CDHR1: variants seen among roughly 807,000 people sequenced by gnomAD.
CDHR1 encodes cadherin-related family member 1.
A neutral mutation model predicts 72.1 loss-of-function variants in CDHR1; 61 were observed. The observed-to-expected ratio is 0.85, with a 90% CI of 0.69 to 1.05. CDHR1 has a LOEUF of 1.05. Ranked by LOEUF, CDHR1 falls within the 50% of genes least tolerant of loss-of-function variation. The pLI, the probability that CDHR1 is intolerant of heterozygous loss-of-function variation, is 0.00. For missense variants in CDHR1, 1,186 were observed against 1,115.7 expected, an observed-to-expected ratio of 1.06 and a Z score of -0.90; for synonymous variants, 470 against 448.1, an observed-to-expected ratio of 1.05 and a Z score of -0.62.
chr10:84,212,387 G>C lies in CDHR1; in HGVS notation c.1762G>C (p.Gly588Arg), dbSNP rs779371901. The change falls in exon 15 of 17, where the codon GGG (glycine) becomes CGG (arginine). Residue 588 changes from glycine (G) to arginine (R), a missense_variant. Coordinates refer to ENST00000623527, the MANE Select transcript of CDHR1 (RefSeq NM_033100.4). ...KSVQKKTMVL[G>R]TPVKIEAIDE... ...CGTTCAGAAGAAGACGATGGTGCTA[G>C]GGACCCCAGTGAAAATTGAGGTAAG... 1 of 1,614,212 alleles carries C rather than the reference G, an allele frequency of 6.2e-7. No homozygotes were observed. The highest frequency in any genetic ancestry group is 1.1e-5 in the South Asian group (1 of 91,088).
intron 14 of CDHR1, 113 bp downstream of exon 14, chr10:84,211,828 T>C (rs1842337832): frequency 3.2e-6 from 3 of 930,472 alleles, no homozygotes; most frequent in African/African-American, 1.6e-5. Context: ...GGAGCCTGGG[T>C]GAAGAGAAGT....
intron 5 of CDHR1, among the ~76,000 whole-genome samples, chr10:84,200,192 G>T (rs918208397): frequency 6.6e-6 from 1 of 151,200 alleles, no homozygotes; most frequent in Non-Finnish European, 1.5e-5. Flanking sequence ...AAAAAAGTTT[G>T]CTAAGTCACT....
downstream of CDHR1, chr10:84,219,569 C>T (rs1842477798): frequency 9.7e-6 from 3 of 310,746 alleles, no homozygotes; most frequent in Non-Finnish European, 1.8e-5. Context: ...TGTATTAGTT[C>T]GTTCTCATGC....
At chr10:84,210,967 A>G in intron 12 of CDHR1, 34 bp from the exon 13 acceptor site, 1 of 1,612,584 alleles carries the variant, frequency 6.2e-7, no homozygotes, top group South Asian at 1.1e-5. Flanking sequence ...ATGAGTGCCT[A>G]CCCAGACAAG....
In CDHR1 at chr10:84,217,527, C is replaced by T. The variant is rs1564668223; in HGVS notation, c.*2906C>T. ...TCAAGTCTCTCTGGGCCTCACTTTC[C>T]TCATTAACACAGGGTGCAAAGTATG... On this transcript the variant is annotated 3_prime_UTR_variant, in exon 17 of 17. Coordinates refer to ENST00000623527, the MANE Select transcript of CDHR1 (RefSeq NM_033100.4). 1.0e-6 allele frequency: 1 copy of T among 978,816 alleles called. No homozygotes were observed. Among genetic ancestry groups the T allele is most frequent in the Non-Finnish European group, 1.2e-6 (1 of 823,944 alleles). The allele number at this position is 978,816 out of a possible 1,614,324, so 60.6% of individuals were successfully genotyped here.
In CDHR1 at chr10:84,215,581, T is replaced by C. The variant is rs537524461; in HGVS notation, c.*960T>C. ...CGCTGATCATCCTCTTCCTCATCTG[T>C]AAATGAAGAAAGTAGGCCCTGTCTA... On this transcript the variant is annotated 3_prime_UTR_variant, in exon 17 of 17. Transcript: ENST00000623527. 4 of 873,758 alleles carry C rather than the reference T, an allele frequency of 4.6e-6. No homozygotes were observed. The South Asian group carries it at 2.1e-4, about 46-fold the overall frequency. The allele number at this position is 873,758 out of a possible 1,614,324, so 54.1% of individuals were successfully genotyped here. A position where few individuals can be genotyped will look rare whatever the true frequency, so the allele number is the denominator to read the frequency against.
At chr10:84,206,033 G>C (rs1415577391) in intron 10 of CDHR1, 106 bp downstream of exon 10, 5 of 818,028 alleles carry the variant, frequency 6.1e-6, no homozygotes, top group Non-Finnish European at 1.0e-5. Context: ...TCTGGGGAGG[G>C]GGCTAGATGT....
downstream of CDHR1, chr10:84,218,705 T>C (rs979665865): frequency 2.0e-6 from 2 of 989,818 alleles, no homozygotes; most frequent in Non-Finnish European, 2.4e-6. Context: ...TATCGGAAAC[T>C]GTAGCATCTT....
Position 84,218,315 on chromosome 10 carries a change from A to ACAGG in CDHR1, c.*3696_*3699dup. 1.0e-6 allele frequency: 1 copy of ACAGG among 985,458 alleles called. No individual in the cohort carries two copies. The highest frequency in any genetic ancestry group is 1.2e-6 in the Non-Finnish European group (1 of 829,930). The allele number at this position is 985,458 out of a possible 1,614,324, so 61.0% of individuals were successfully genotyped here. On this transcript the variant is annotated 3_prime_UTR_variant, in exon 17 of 17. Coordinates refer to ENST00000623527, the MANE Select transcript of CDHR1 (RefSeq NM_033100.4). The stretch of plus-strand genomic sequence containing the variant: ...ATTTGATCAATAAAGCAGAGTAGCA[A>ACAGG]CAGGCTGATGTTGGGGACATCGGTT...
At chr10:84,197,556 T>G (rs1842049866) in intron 3 of CDHR1, among the ~76,000 whole-genome samples, 1 of 152,216 alleles carries the variant, frequency 6.6e-6, no homozygotes, top group East Asian at 1.9e-4. Context: ...TCTCTGAGTT[T>G]ATAAGAACCC....
chr10:84,215,004 A>G lies in CDHR1; in HGVS notation c.*383A>G. ...ATCTCATCATCATCCTTAGTCAAGCAGCAGGGCCCTGGCCACGTGGAGCAA... is the reference window on the plus strand; with the variant it reads ...ATCTCATCATCATCCTTAGTCAAGCGGCAGGGCCCTGGCCACGTGGAGCAA... On this transcript the variant is annotated 3_prime_UTR_variant, in exon 17 of 17. Transcript: ENST00000623527. 1 of 1,147,586 alleles carries G rather than the reference A, an allele frequency of 8.7e-7. No individual in the cohort carries two copies. The highest frequency in any genetic ancestry group is 1.1e-6 in the Non-Finnish European group (1 of 926,180). The allele number at this position is 1,147,586 out of a possible 1,614,324, so 71.1% of individuals were successfully genotyped here.
At chr10:84,203,777 T>C (rs977563399) in intron 8 of CDHR1, among the ~76,000 whole-genome samples, 1 of 152,134 alleles carries the variant, frequency 6.6e-6, no homozygotes, top group Admixed American at 6.5e-5. Flanking sequence ...GGAGACGGGC[T>C]CAGAGTGAGG....
chr10:84,214,518 C>T lies in CDHR1; in HGVS notation c.2477C>T (p.Pro826Leu), dbSNP rs1173189717. Residue 826 changes from proline to leucine, a missense_variant, in exon 17 of 17, where the codon CCG becomes CTG. Coordinates refer to ENST00000623527, the MANE Select transcript of CDHR1 (RefSeq NM_033100.4). ...GSLTPQPTQPPPKPKTMGSPV... is the reference protein window; with the variant it reads ...GSLTPQPTQPLPKPKTMGSPV... ...CTCACTCCGCAGCCGACCCAACCCC[C>T]GCCAAAACCCAAAACTATGGGAAGC... 9.4e-6 allele frequency: 15 copies of T among 1,604,208 alleles called. No homozygotes were observed. In the East Asian group the frequency reaches 1.3e-4, roughly 14 times the overall value.
rs531420059 is a variant in CDHR1 at position 84,199,038 on chromosome 10, G to A, written c.355G>A (p.Glu119Lys). Residue 119 changes from glutamate to lysine, a missense_variant, in exon 5 of 17, where the codon GAA (glutamate) becomes AAA (lysine). Glu to Lys is a moderately conservative substitution (Grantham distance 56). Transcript: ENST00000623527. ...CCCCTCTGCCCCTTCTCAGGTGGCC[G>A]AAAAAGTCGTGATCCTGGTGACCGA... The part of the protein sequence containing the change: ...SISDGLNLVA[E>K]KVVILVTDAN... 5.7e-5 allele frequency: 89 copies of A among 1,551,658 alleles called. No homozygotes were observed. In the South Asian group the frequency reaches 6.2e-4, roughly 11 times the overall value.
At chr10:84,198,588 C>T (rs1315949623) in intron 4 of CDHR1, among the ~76,000 whole-genome samples, 1 of 152,220 alleles carries the variant, frequency 6.6e-6, no homozygotes, top group East Asian at 1.9e-4. Context: ...AATTCTCACT[C>T]CTCTAAGAAG....
rs748412274 is a variant in CDHR1 at position 84,201,843 on chromosome 10, G to T, written c.562G>T (p.Gly188Cys). The change falls in exon 7 of 17, where the codon GGT becomes TGT. Residue 188 changes from glycine to cysteine, a missense_variant. Physicochemically the swap from Gly to Cys is radical, Grantham distance 159 (BLOSUM62 -3). Coordinates refer to ENST00000623527, the MANE Select transcript of CDHR1 (RefSeq NM_033100.4). Reference protein sequence around the residue: ...HSPFAVDRHSGVLRLQAGATL... With the variant: ...HSPFAVDRHSCVLRLQAGATL... ...CCCATTTGCCGTGGACCGCCACAGC[G>T]GTGTGCTGCGCCTCCAGGCTGGGGC... The T allele has an allele frequency of 1.9e-6, 3 of 1,610,238 alleles. No individual in the cohort carries two copies. In the South Asian group the frequency reaches 3.3e-5, roughly 18 times the overall value.
intron 15 of CDHR1, chr10:84,212,887 T>C (rs1842360585): frequency 1.6e-6 from 1 of 639,828 alleles, no homozygotes; most frequent in Non-Finnish European, 2.8e-6. Context: ...GATAATGGAA[T>C]CGGCTAGCCC....
At chr10:84,195,470 G>C (rs1296557605) in intron 1 of CDHR1, 24 bp from the exon 2 acceptor site, 1 of 1,605,264 alleles carries the variant, frequency 6.2e-7, no homozygotes, top group South Asian at 1.1e-5. Flanking sequence ...CTGGGTGTCC[G>C]TCTGTTCTGT....
At position 84,195,591 on chromosome 10, in the gene CDHR1, T is replaced by C. The variant is rs779953772; in HGVS notation, c.151+2T>C. ...GCCTCCCAGAGGACACCCCTGTAGG[T>C]GAGTAGCCCTGGCACCTGCTCCCGA... On this transcript the variant is annotated splice_donor_variant, in intron 2 of 16. Coordinates refer to ENST00000623527, the MANE Select transcript of CDHR1 (RefSeq NM_033100.4). LOFTEE classifies it high-confidence loss of function. 1 of 1,612,312 alleles carries C rather than the reference T, an allele frequency of 6.2e-7. No individual in the cohort carries two copies. Among genetic ancestry groups the C allele is most frequent in the Non-Finnish European group, 8.5e-7 (1 of 1,178,508 alleles).
Sources: gnomAD v4.1 joint callset for allele counts (sites outside exome capture counted in the v4.1 genomes callset) on GRCh38, gnomAD v4.1.1 for gene constraint, MANE v1.5 for transcripts, NCBI Gene and HGNC (gene_info 2026-07-23, HGNC 2026-07-21) for gene names.